ATP8A2: variants seen among roughly 807,000 people sequenced by gnomAD.
ATP8A2 encodes ATPase phospholipid transporting 8A2.
Under a neutral mutation model 165.6 loss-of-function variants are expected in ATP8A2, and 100 were observed. That is an observed-to-expected ratio of 0.60 (90% CI 0.51 to 0.71). ATP8A2 has a LOEUF of 0.71. Among genes scored for constraint, ATP8A2 ranks in the 30% least tolerant of loss-of-function variants. ATP8A2 has a pLI of 0.00. For synonymous variants in ATP8A2, 543 were observed against 548.8 expected (o/e 0.99, Z 0.15); for missense variants, 1,227 against 1,479.5 (o/e 0.83, Z 2.80).
rs2035124887 is a variant in ATP8A2 at position 25,448,341 on chromosome 13, A to G, written c.77-20636A>G. 2.6e-5 allele frequency among the ~76,000 whole-genome samples: 4 copies of G among 152,202 alleles called. No individual in the cohort carries two copies. In the South Asian group the frequency reaches 8.3e-4, roughly 32 times the overall value. ...CTTAAAGCTTAGTTTTTGTTTGAAG[A>G]GTTTTGGCTAATATTTGGAGTAAAA... On this transcript the variant is annotated intron_variant, in intron 1 of 36. Coordinates refer to ENST00000381655, the MANE Select transcript of ATP8A2 (RefSeq NM_016529.6).
At chr13:25,832,375 A>G (rs1951501045) in intron 28 of ATP8A2, among the ~76,000 whole-genome samples, 1 of 152,244 alleles carries the variant, frequency 6.6e-6, no homozygotes. Flanking sequence ...CTTGCAGAAA[A>G]TGAATCCTGT....
chr13:25,970,014 T>A (rs538864246), intron 35 of ATP8A2, among the ~76,000 whole-genome samples: 1 of 152,192 alleles, frequency 6.6e-6, no homozygotes, highest in South Asian at 2.1e-4. Flanking sequence ...ATTCATAAGC[T>A]CCAAAAATTA....
At chr13:25,461,883 A>AAGG (rs1490577584) in intron 1 of ATP8A2, among the ~76,000 whole-genome samples, 1 of 152,146 alleles carries the variant, frequency 6.6e-6, no homozygotes, top group South Asian at 2.1e-4. Context: ...GAGGAGGAAG[A>AAGG]AGGAGACTAT....
chr13:25,584,982 T>A (rs569232207), intron 23 of ATP8A2, among the ~76,000 whole-genome samples: 2 of 152,322 alleles, frequency 1.3e-5, no homozygotes, highest in African/African-American at 4.8e-5. Context: ...TTTGGTTTTT[T>A]AAAATATATA....
chr13:25,657,863 G>A (rs995611980), intron 24 of ATP8A2, among the ~76,000 whole-genome samples: 2 of 152,156 alleles, frequency 1.3e-5, no homozygotes, highest in African/African-American at 4.8e-5. Context: ...AATGAAACCT[G>A]GCCCAGAAGT....
At chr13:25,888,387 T>C (rs1217217527) in intron 33 of ATP8A2, among the ~76,000 whole-genome samples, 1 of 152,032 alleles carries the variant, frequency 6.6e-6, no homozygotes, top group Non-Finnish European at 1.5e-5. Context: ...CTTCCGGAAT[T>C]GGCTGATAAG....
rs1956284848 is a variant in ATP8A2 at position 25,986,665 on chromosome 13, A to G, written c.3377+17986A>G. The stretch of plus-strand genomic sequence containing the variant: ...TATTGTAAATAATGCTGCAGTGAAC[A>G]TGGCAGTGCGGATGTCTCTTCAACA... On this transcript the variant is annotated intron_variant, in intron 35 of 36. Coordinates refer to ENST00000381655, the MANE Select transcript of ATP8A2 (RefSeq NM_016529.6). Among the ~76,000 whole-genome samples the G allele has an allele frequency of 2.0e-5, 3 of 152,248 alleles. No homozygotes were observed. The South Asian group carries it at 6.2e-4, about 32-fold the overall frequency.
intron 28 of ATP8A2, among the ~76,000 whole-genome samples, chr13:25,831,850 A>G (rs1281147793): frequency 6.6e-6 from 1 of 152,118 alleles, no homozygotes; most frequent in Admixed American, 6.5e-5. Context: ...CTCAAAAACA[A>G]CAATAACAAC....
intron 28 of ATP8A2, among the ~76,000 whole-genome samples, chr13:25,831,078 C>T (rs1345661005): frequency 6.6e-6 from 1 of 152,126 alleles, no homozygotes; most frequent in Non-Finnish European, 1.5e-5. Context: ...TGCTAGTGAT[C>T]CTCCTCTTCT....
chr13:25,550,871 C>T lies in ATP8A2; in HGVS notation c.892-467C>T, dbSNP rs182611736. Among the ~76,000 whole-genome samples, 157 of 152,182 alleles carry T rather than the reference C, an allele frequency of 1.0e-3. 1 individual carries two copies. In the East Asian group the frequency reaches 0.022, roughly 21 times the overall value. On this transcript the variant is annotated intron_variant, in intron 10 of 36. Transcript: ENST00000381655. ...TTTTTATTCCTCAAATTCTGAGCTC[C>T]GGGAGGAAAAATATGTGCTTTAGAA...
intron 33 of ATP8A2, among the ~76,000 whole-genome samples, chr13:25,941,560 C>A (rs1221508183): frequency 6.6e-6 from 1 of 152,200 alleles, no homozygotes; most frequent in African/African-American, 2.4e-5. Context: ...ACCCGTGTGA[C>A]TCTGCTCTGC....
In ATP8A2 at chr13:25,750,309, A is replaced by C. The variant is rs1161504385; in HGVS notation, c.2385-18737A>C. Among the ~76,000 whole-genome samples the C allele has an allele frequency of 1.3e-5, 2 of 152,130 alleles. No individual in the cohort carries two copies. The highest frequency in any genetic ancestry group is 2.9e-5 in the Non-Finnish European group (2 of 68,020). On this transcript the variant is annotated intron_variant, in intron 25 of 36. Transcript: ENST00000381655. This position sits in a 1 kb window ranked among gnomAD's most constrained non-coding sequence, Gnocchi z 4.3. ...TTCAGGAGACCAAATAAAATAGTAC[A>C]CATCTGTGTGTAGTTACCAAAGCCA... is the stretch of plus-strand genomic sequence containing the variant.
At chr13:25,434,459 G>A (rs1315992659) in intron 1 of ATP8A2, among the ~76,000 whole-genome samples, 1 of 151,514 alleles carries the variant, frequency 6.6e-6, no homozygotes, top group Admixed American at 6.6e-5. Context: ...AGTGTTTCTC[G>A]TGCCTCAGCC....
intron 24 of ATP8A2, among the ~76,000 whole-genome samples, chr13:25,628,664 G>C (rs1161045284): frequency 6.6e-6 from 1 of 151,942 alleles, no homozygotes; most frequent in Non-Finnish European, 1.5e-5. Flanking sequence ...GATGGTTGAG[G>C]GGAGTCTGCT....
At chr13:25,618,019 C>T (rs138694206) in intron 24 of ATP8A2, among the ~76,000 whole-genome samples, 12 of 152,190 alleles carry the variant, frequency 7.9e-5, no homozygotes, top group Admixed American at 3.9e-4. Context: ...GCTGAAAGAC[C>T]GTGAGTGTGA....
chr13:25,602,238 T>C (rs1007815418), intron 24 of ATP8A2, among the ~76,000 whole-genome samples: 4 of 152,190 alleles, frequency 2.6e-5, no homozygotes, highest in African/African-American at 7.2e-5. Flanking sequence ...AGAGAGACAA[T>C]TATAAAACAT....
chr13:25,688,567 G>T (rs1162851816), intron 24 of ATP8A2, among the ~76,000 whole-genome samples: 1 of 148,870 alleles, frequency 6.7e-6, no homozygotes, highest in Non-Finnish European at 1.5e-5. Context: ...AGACTCTCAT[G>T]TAGAAAGTAT....
Position 25,718,951 on chromosome 13 carries a change from C to G in ATP8A2, c.2384+19606C>G, listed in dbSNP as rs75747431. 1.1e-4 allele frequency among the ~76,000 whole-genome samples: 16 copies of G among 152,204 alleles called. No homozygotes were observed. In the South Asian group the frequency reaches 3.1e-3, roughly 30 times the overall value. On this transcript the variant is annotated intron_variant, in intron 25 of 36. Transcript: ENST00000381655. ...CCCTGTTGATGTGTAAGAACATACGCGTGCATGTGGGGACACCAGTGGCAT... is the reference window on the plus strand; with the variant it reads ...CCCTGTTGATGTGTAAGAACATACGGGTGCATGTGGGGACACCAGTGGCAT...
chr13:25,788,541 G>A (rs1428784336), intron 27 of ATP8A2, among the ~76,000 whole-genome samples: 1 of 152,188 alleles, frequency 6.6e-6, no homozygotes, highest in South Asian at 2.1e-4. Context: ...AGGTGGCCTG[G>A]CTGCAACCCT....
Sources: gnomAD v4.1 joint callset for allele counts (sites outside exome capture counted in the v4.1 genomes callset) on GRCh38, gnomAD v4.1.1 for gene constraint, Gnocchi (gnomAD v3.1) non-coding constraint, MANE v1.5 for transcripts, NCBI Gene and HGNC (gene_info 2026-07-23, HGNC 2026-07-21) for gene names.